The following ZBTB20 variants were observed in gnomAD, a reference collection of about 807,000 sequenced individuals.
The protein encoded by ZBTB20 is zinc finger and BTB domain-containing protein 20.
In ZBTB20, 9 loss-of-function variants were observed where a neutral mutation model predicts 56.9. The ratio of observed to expected loss-of-function variants is 0.16; its 90% CI spans 0.10 to 0.28. ZBTB20 has a LOEUF of 0.28. ZBTB20 is among the 10% of genes least tolerant of loss of function. The pLI is 1.00. For synonymous variants in ZBTB20, 417 were observed against 420.7 expected, an observed-to-expected ratio of 0.99 and a Z score of 0.11; for missense variants, 655 against 1,003.0, an observed-to-expected ratio of 0.65 and a Z score of 4.69.
chr3:115,110,323 C>G (rs1042232758), intron 1 of ZBTB20, among the ~76,000 whole-genome samples: 2 of 152,066 alleles, frequency 1.3e-5, no homozygotes, highest in African/African-American at 4.8e-5. Context: ...TCTGAGGCAA[C>G]AGGCCATAGG....
chr3:115,114,135 C>T (rs1415940542), intron 1 of ZBTB20, among the ~76,000 whole-genome samples: 1 of 152,124 alleles, frequency 6.6e-6, no homozygotes, highest in Non-Finnish European at 1.5e-5. Context: ...ACATTTTGCT[C>T]TTACTGAAGA....
intron 1 of ZBTB20, among the ~76,000 whole-genome samples, chr3:115,076,195 T>A (rs1469601521): frequency 6.6e-6 from 1 of 152,146 alleles, no homozygotes; most frequent in Non-Finnish European, 1.5e-5. Flanking sequence ...ATCTATAGAG[T>A]CAATTCTACA....
At chr3:115,143,405 C>G (rs2084874837) in intron 1 of ZBTB20, among the ~76,000 whole-genome samples, 1 of 152,136 alleles carries the variant, frequency 6.6e-6, no homozygotes, top group Admixed American at 6.5e-5. Context: ...GTGGCATGCA[C>G]CTTAGTCCCA....
At chr3:114,575,297 G>C (rs1006082283) in intron 6 of ZBTB20, among the ~76,000 whole-genome samples, 4 of 152,076 alleles carry the variant, frequency 2.6e-5, no homozygotes, top group South Asian at 2.1e-4. Flanking sequence ...CTTTTAACAT[G>C]AATAATATGT....
intron 4 of ZBTB20, among the ~76,000 whole-genome samples, chr3:114,826,006 A>G (rs1012104324): frequency 2.6e-5 from 4 of 151,790 alleles, no homozygotes; most frequent in African/African-American, 9.7e-5. Flanking sequence ...CAAAGTAGGA[A>G]AAGAACTGGG....
At chr3:114,721,840 T>C (rs1438802955) in intron 5 of ZBTB20, among the ~76,000 whole-genome samples, 1 of 152,198 alleles carries the variant, frequency 6.6e-6, no homozygotes, top group South Asian at 2.1e-4. Context: ...TTTTGGGTTA[T>C]ATTATGAATA....
At chr3:114,358,186 AAT>A (rs1341390867) in intron 10 of ZBTB20, among the ~76,000 whole-genome samples, 1 of 152,224 alleles carries the variant, frequency 6.6e-6, no homozygotes, top group African/African-American at 2.4e-5. Flanking sequence ...CAGCCAAAAA[AAT>A]AGTTTACTTG....
chr3:114,901,050 G>A (rs900323178), intron 3 of ZBTB20, among the ~76,000 whole-genome samples: 1 of 152,084 alleles, frequency 6.6e-6, no homozygotes, highest in Non-Finnish European at 1.5e-5. Context: ...AAAACATTTG[G>A]ATTTAGGTGG....
intron 6 of ZBTB20, among the ~76,000 whole-genome samples, chr3:114,524,943 A>G (rs1319305552): frequency 1.3e-5 from 2 of 152,088 alleles, no homozygotes; most frequent in Non-Finnish European, 2.9e-5. Context: ...CGAACTCCTG[A>G]CCTCAAACAA....
intron 1 of ZBTB20, among the ~76,000 whole-genome samples, chr3:115,131,556 T>A (rs2084506428): frequency 6.6e-6 from 1 of 152,168 alleles, no homozygotes; most frequent in South Asian, 2.1e-4. Flanking sequence ...TACAATAAAG[T>A]TACAACAACC....
rs868719752 is a variant in ZBTB20 at position 114,706,369 on chromosome 3, G to T, written c.-342-12794C>A. Reference sequence around the variant, plus strand: ...TGTATTAATGATACATAAATCTGCTGGGAGTAACAGAAGATGTGAGGTACT... The same window carrying T: ...TGTATTAATGATACATAAATCTGCTTGGAGTAACAGAAGATGTGAGGTACT... On this transcript the variant is annotated intron_variant, in intron 5 of 11. Coordinates refer to ENST00000675478, the MANE Select transcript of ZBTB20 (RefSeq NM_001348800.3). Among the ~76,000 whole-genome samples the T allele has an allele frequency of 2.2e-4, 34 of 152,228 alleles. 1 individual carries two copies. Among genetic ancestry groups the T allele is most frequent in the Admixed American group, 4.6e-4 (7 of 15,282 alleles).
intron 6 of ZBTB20, among the ~76,000 whole-genome samples, chr3:114,631,078 T>A (rs1249567080): frequency 6.6e-6 from 1 of 152,092 alleles, no homozygotes; most frequent in African/African-American, 2.4e-5. Flanking sequence ...CATAACCTTT[T>A]CCCCCAAGTG....
chr3:114,434,787 C>T (rs1053332933), intron 7 of ZBTB20, among the ~76,000 whole-genome samples: 3 of 151,924 alleles, frequency 2.0e-5, no homozygotes, highest in Non-Finnish European at 4.4e-5. Context: ...AAAGTGTAGG[C>T]GAACCAAATC....
chr3:115,144,457 A>G (rs2084907809), intron 1 of ZBTB20, among the ~76,000 whole-genome samples: 2 of 152,182 alleles, frequency 1.3e-5, no homozygotes, highest in African/African-American at 4.8e-5. Flanking sequence ...CCAAGTAGTC[A>G]AATTCTTATT....
intron 3 of ZBTB20, among the ~76,000 whole-genome samples, 197 bp downstream of exon 3, chr3:114,974,169 T>C (rs1475560590): frequency 1.3e-5 from 2 of 151,610 alleles, no homozygotes; most frequent in Non-Finnish European, 2.9e-5. Flanking sequence ...AGAAAGAGTA[T>C]AAAATTTCTA....
chr3:114,356,456 A>T lies in ZBTB20; in HGVS notation c.200-4578T>A, dbSNP rs2081264316. 2.0e-5 allele frequency among the ~76,000 whole-genome samples: 3 copies of T among 152,222 alleles called. No individual in the cohort carries two copies. In the South Asian group the frequency reaches 6.2e-4, roughly 32 times the overall value. On this transcript the variant is annotated intron_variant, in intron 10 of 11. Coordinates refer to ENST00000675478, the MANE Select transcript of ZBTB20 (RefSeq NM_001348800.3). ...AAAATGAGACTAGTGCAAGGGTAAG[A>T]TGCTACAGAGGGGGATGGGGATTTG...
chr3:114,650,123 C>A (rs1027356300), intron 6 of ZBTB20, among the ~76,000 whole-genome samples: 1 of 151,846 alleles, frequency 6.6e-6, no homozygotes, highest in Admixed American at 6.6e-5. Context: ...CAGTTTTAAT[C>A]TCTCCAAATA....
At chr3:114,816,159 T>C (rs1431641039) in intron 4 of ZBTB20, among the ~76,000 whole-genome samples, 1 of 152,234 alleles carries the variant, frequency 6.6e-6, no homozygotes, top group African/African-American at 2.4e-5. Flanking sequence ...CAAAGTGGGC[T>C]CTGTTATATA....
At chr3:114,342,663 AC>A (rs1164394275) in intron 11 of ZBTB20, among the ~76,000 whole-genome samples, 1 of 152,212 alleles carries the variant, frequency 6.6e-6, no homozygotes, top group Non-Finnish European at 1.5e-5. Flanking sequence ...AGCACTTAGT[AC>A]AGAGCATGTG....
Sources: gnomAD v4.1 joint callset for allele counts (sites outside exome capture counted in the v4.1 genomes callset) on GRCh38, gnomAD v4.1.1 for gene constraint, MANE v1.5 for transcripts, NCBI Gene and HGNC (gene_info 2026-07-23, HGNC 2026-07-21) for gene names.